Variants in AHI1 observed in about 807,000 individuals in gnomAD.
AHI1 encodes Abelson helper integration site 1.
AHI1 carries 123 observed loss-of-function variants against 149.3 expected under a neutral mutation model. The ratio of observed to expected loss-of-function variants is 0.82; its 90% CI spans 0.71 to 0.96. The LOEUF (loss-of-function observed/expected upper bound fraction) is 0.96, where lower values mean the gene tolerates loss of function less well. Among genes scored for constraint, AHI1 ranks in the 40% least tolerant of loss-of-function variants. AHI1 has a pLI of 0.00. For missense variants in AHI1, 1,439 were observed against 1,422.7 expected (o/e 1.01, Z -0.18); for synonymous variants, 475 against 459.8 (o/e 1.03, Z -0.42).
chr6:135,456,038 A>G, intron 9 of AHI1, 112 bp from the exon 10 acceptor site: 1 of 650,732 alleles, frequency 1.5e-6, no homozygotes, highest in Non-Finnish European at 2.3e-6. Flanking sequence ...TCATAATAAT[A>G]CAAAAGGAAA....
chr6:135,455,926 A>G lies in AHI1; in HGVS notation c.1152T>C (p.Ser384=), dbSNP rs1316415749. 6 of 1,427,826 alleles carry G rather than the reference A, an allele frequency of 4.2e-6. No homozygotes were observed. The highest frequency in any genetic ancestry group is 1.4e-5 in the African/African-American group (1 of 70,496). 88.4% of individuals were successfully genotyped at this position (1,427,826 alleles called of 1,614,324 possible). A position where few individuals can be genotyped will look rare whatever the true frequency, so the allele number is the denominator to read the frequency against. The change falls in exon 10 of 29, where the codon AGT becomes AGC. Residue 384 remains serine (S), a splice_region_variant and synonymous_variant. Coordinates refer to ENST00000265602, the MANE Select transcript of AHI1 (RefSeq NM_001134831.2). Reference sequence around the variant, plus strand: ...CATAGTAAGATGAAACAGGCCGTCCACTGTACAAAAAAAGATACTTCCATT... The same window carrying G: ...CATAGTAAGATGAAACAGGCCGTCCGCTGTACAAAAAAAGATACTTCCATT... ...HTGQYVKKDD[S]GRPVSSYYEK...
At chr6:135,490,045 C>T in intron 5 of AHI1, 1 of 627,940 alleles carries the variant, frequency 1.6e-6, no homozygotes, top group Admixed American at 2.6e-5. Flanking sequence ...ACTGTGGATG[C>T]CAATACAGAC....
At chr6:135,314,518 G>C (rs1785656576) in intron 26 of AHI1, among the ~76,000 whole-genome samples, 1 of 152,206 alleles carries the variant, frequency 6.6e-6, no homozygotes, top group South Asian at 2.1e-4. Context: ...TACAAACAAT[G>C]GGTAATATTA....
intron 28 of AHI1, among the ~76,000 whole-genome samples, chr6:135,289,611 TA>T (rs1213912390): frequency 2.0e-5 from 3 of 152,086 alleles, no homozygotes; most frequent in African/African-American, 7.3e-5. Flanking sequence ...TGCATAATTT[TA>T]AAGTTTCCAT....
intron 5 of AHI1, among the ~76,000 whole-genome samples, chr6:135,477,731 G>A (rs77210300): frequency 0.038 from 5,787 of 152,122 alleles, 304 homozygotes; most frequent in African/African-American, 0.12. Flanking sequence ...CTTCCACCAC[G>A]AATATAAATT....
At chr6:135,393,145 T>C (rs1160847316) in intron 23 of AHI1, among the ~76,000 whole-genome samples, 1 of 152,064 alleles carries the variant, frequency 6.6e-6, no homozygotes, top group East Asian at 1.9e-4. Flanking sequence ...ATCCTATATA[T>C]AATTGTGAAG....
chr6:135,365,271 G>A (rs1774003452), intron 23 of AHI1, among the ~76,000 whole-genome samples: 1 of 152,156 alleles, frequency 6.6e-6, no homozygotes, highest in Non-Finnish European at 1.5e-5. Flanking sequence ...TTTTTGCTTA[G>A]TCTTGCTTTC....
chr6:135,451,029 C>G (rs760533370), intron 11 of AHI1, among the ~76,000 whole-genome samples: 42 of 151,458 alleles, frequency 2.8e-4, no homozygotes, highest in Non-Finnish European at 4.9e-4. Context: ...TGGAGTCTCA[C>G]TCTGTCACCC....
chr6:135,361,837 T>G (rs1040207978), intron 23 of AHI1, among the ~76,000 whole-genome samples: 4 of 152,164 alleles, frequency 2.6e-5, no homozygotes, highest in African/African-American at 9.7e-5. Flanking sequence ...TTTTATTTTT[T>G]TTGATTTTAT....
intron 5 of AHI1, among the ~76,000 whole-genome samples, chr6:135,485,740 T>C (rs1384287846): frequency 6.6e-6 from 1 of 152,218 alleles, no homozygotes; most frequent in Non-Finnish European, 1.5e-5. Context: ...CACAGGTTGA[T>C]TCACATAGGT....
At chr6:135,298,181 G>A (rs1267015332) in intron 27 of AHI1, among the ~76,000 whole-genome samples, 5 of 151,846 alleles carry the variant, frequency 3.3e-5, no homozygotes, top group Non-Finnish European at 5.9e-5. Flanking sequence ...CAGGGCATGC[G>A]GTACAAAATG....
rs1348306080 is a variant in AHI1 at position 135,403,817 on chromosome 6, T to C, written c.2988+1134A>G. 2.0e-5 allele frequency among the ~76,000 whole-genome samples: 3 copies of C among 152,232 alleles called. No homozygotes were observed. In the East Asian group the frequency reaches 5.8e-4, roughly 29 times the overall value. The stretch of plus-strand genomic sequence containing the variant: ...TTTCCCCCCTCGTCTTCCTTCCCCT[T>C]GTCTATATTCCATATCCTGTTGACT... On this transcript the variant is annotated intron_variant, in intron 22 of 28. Transcript: ENST00000265602.
intron 23 of AHI1, among the ~76,000 whole-genome samples, chr6:135,361,535 A>C (rs1267552748): frequency 6.6e-6 from 1 of 152,020 alleles, no homozygotes; most frequent in Non-Finnish European, 1.5e-5. Flanking sequence ...ATTTCTTATG[A>C]GAAGGAAGTC....
intron 27 of AHI1, among the ~76,000 whole-genome samples, chr6:135,294,473 C>T (rs1185686575): frequency 6.6e-6 from 1 of 152,002 alleles, no homozygotes; most frequent in Non-Finnish European, 1.5e-5. Context: ...CACGCCATTG[C>T]ACTCCAGCCT....
chr6:135,290,147 T>G (rs1181161470), intron 28 of AHI1, among the ~76,000 whole-genome samples: 1 of 152,218 alleles, frequency 6.6e-6, no homozygotes, highest in Non-Finnish European at 1.5e-5. Context: ...GCCTAGCTTT[T>G]TCTTTCCTTT....
rs550769513 is a variant in AHI1 at position 135,363,869 on chromosome 6, C to T, written c.3110-5682G>A. On this transcript the variant is annotated intron_variant, in intron 23 of 28. Coordinates refer to ENST00000265602, the MANE Select transcript of AHI1 (RefSeq NM_001134831.2). The stretch of plus-strand genomic sequence containing the variant: ...GCAGAGGCGCCCCTCACCCCCCGGA[C>T]GGGGCGGCTGGCCGGACGGGGGGCT... 2.9e-3 allele frequency among the ~76,000 whole-genome samples: 426 copies of T among 148,098 alleles called. 6 individuals carry two copies. In the East Asian group the frequency reaches 0.081, roughly 28 times the overall value.
chr6:135,315,748 C>G (rs1173981329), intron 26 of AHI1, among the ~76,000 whole-genome samples: 1 of 152,186 alleles, frequency 6.6e-6, no homozygotes. Flanking sequence ...TTTCCTTACT[C>G]AGATGGTTAT....
At chr6:135,373,674 C>A (rs915938540) in intron 23 of AHI1, among the ~76,000 whole-genome samples, 2 of 152,150 alleles carry the variant, frequency 1.3e-5, no homozygotes, top group African/African-American at 4.8e-5. Flanking sequence ...CCCTACCAAC[C>A]TTTAACTCAG....
At chr6:135,470,900 A>C (rs979618796) in intron 5 of AHI1, among the ~76,000 whole-genome samples, 1 of 152,178 alleles carries the variant, frequency 6.6e-6, no homozygotes. Flanking sequence ...CAAGTCCTAC[A>C]CATGTATCCT....
Sources: allele counts gnomAD v4.1 joint callset (sites outside exome capture counted in the v4.1 genomes callset), GRCh38; gene constraint gnomAD v4.1.1; transcripts MANE v1.5; gene names NCBI Gene and HGNC (gene_info 2026-07-23, HGNC 2026-07-21).